Variants in AJAP1 observed in about 807,000 individuals in gnomAD.
AJAP1 encodes adherens junctions associated protein 1, also known as adherens junction-associated protein 1.
A neutral mutation model predicts 35.0 loss-of-function variants in AJAP1; 5 were observed. The ratio of observed to expected loss-of-function variants is 0.14; its 90% CI spans 0.07 to 0.30. The LOEUF (loss-of-function observed/expected upper bound fraction) is 0.30. Ranked by LOEUF, AJAP1 falls within the 10% of genes least tolerant of loss-of-function variation. The pLI is 1.00. For synonymous variants in AJAP1, 284 were observed against 249.3 expected (o/e 1.14, Z -1.31); for missense variants, 586 against 571.0 (o/e 1.03, Z -0.27).
intron 2 of AJAP1, among the ~76,000 whole-genome samples, chr1:4,736,148 A>G (rs143259539): frequency 0.017 from 2,621 of 152,376 alleles, 69 homozygotes; most frequent in South Asian, 0.12. Context: ...CACATGGTAA[A>G]GGCTGCAGAG....
rs916755748 is a variant in AJAP1 at position 4,782,400 on chromosome 1, G to A, written c.*60-145G>A. ...TTGTCCACGTTCCAAGGACCCCTCC[G>A]TGTCAGTGAACCGATAAAGGGAGTG... On this transcript the variant is annotated intron_variant, in intron 5 of 5. Coordinates refer to ENST00000378191, the MANE Select transcript of AJAP1 (RefSeq NM_018836.4). The surrounding 1 kb of genome is among the most constrained non-coding windows in gnomAD (Gnocchi z 5.3). 2.0e-5 allele frequency: 4 copies of A among 200,244 alleles called. No homozygotes were observed. The highest frequency in any genetic ancestry group is 3.0e-5 in the Non-Finnish European group (3 of 99,720). The allele number at this position is 200,244 out of a possible 1,614,324, so 12.4% of individuals were successfully genotyped here.
chr1:4,773,899 G>A (rs956814482), intron 4 of AJAP1, among the ~76,000 whole-genome samples: 3 of 152,198 alleles, frequency 2.0e-5, no homozygotes, highest in South Asian at 2.1e-4. Context: ...TGGTGCTCTC[G>A]TGCCCTGGCA....
chr1:4,665,630 G>A lies in AJAP1; in HGVS notation c.29+10176G>A, dbSNP rs1037900069. Among the ~76,000 whole-genome samples the A allele has an allele frequency of 7.9e-5, 12 of 152,198 alleles. No individual in the cohort carries two copies. In the South Asian group the frequency reaches 1.0e-3, roughly 13 times the overall value. On this transcript the variant is annotated intron_variant, in intron 1 of 5. Coordinates refer to ENST00000378191, the MANE Select transcript of AJAP1 (RefSeq NM_018836.4). ...GCACCAGCCACGCAAGTGGTCCCCC[G>A]AGAGTCTGCTGGCCCCAGGTGAGAG...
At chr1:4,767,877 C>T (rs1032020572) in intron 2 of AJAP1, among the ~76,000 whole-genome samples, 1 of 152,242 alleles carries the variant, frequency 6.6e-6, no homozygotes, top group African/African-American at 2.4e-5. Context: ...ACTGAACAGG[C>T]AACCCACCCT....
intron 2 of AJAP1, among the ~76,000 whole-genome samples, chr1:4,738,604 C>A (rs986529319): frequency 6.6e-6 from 1 of 152,072 alleles, no homozygotes; most frequent in African/African-American, 2.4e-5. Flanking sequence ...CAGGGCAGGC[C>A]CCCCAGGCCA....
At position 4,720,493 on chromosome 1, in the gene AJAP1, A is replaced by G. The variant is rs1640492520; in HGVS notation, c.829+7794A>G. On this transcript the variant is annotated intron_variant, in intron 2 of 5. Transcript: ENST00000378191. The surrounding 1 kb of genome is among the most constrained non-coding windows in gnomAD (Gnocchi z 4.4). ...GGAGAGAGCGCCCACCTTGGCTCAG[A>G]TGGACCCAGGCCATGGCTGCAGGTG... is the stretch of plus-strand genomic sequence containing the variant. Among the ~76,000 whole-genome samples the G allele has an allele frequency of 6.6e-6, 1 of 152,188 alleles. No individual in the cohort carries two copies. The highest frequency in any genetic ancestry group is 2.4e-5 in the African/African-American group (1 of 41,454).
chr1:4,671,500 G>C (rs1050975023), intron 1 of AJAP1, among the ~76,000 whole-genome samples: 1 of 151,868 alleles, frequency 6.6e-6, no homozygotes, highest in Admixed American at 6.6e-5. Context: ...TGGTCTTTCT[G>C]TCTCAAAGGT....
chr1:4,700,180 C>T (rs72638817), intron 1 of AJAP1, among the ~76,000 whole-genome samples: 14,480 of 152,194 alleles, frequency 0.095, 800 homozygotes, highest in African/African-American at 0.14. Context: ...TGTTGAAGAG[C>T]CCTCATCACC....
At chr1:4,660,965 T>C (rs1638986933) in intron 1 of AJAP1, among the ~76,000 whole-genome samples, 1 of 152,212 alleles carries the variant, frequency 6.6e-6, no homozygotes, top group African/African-American at 2.4e-5. Flanking sequence ...TACCCTGGCT[T>C]ATAGGCTTCA....
intron 2 of AJAP1, among the ~76,000 whole-genome samples, chr1:4,715,684 C>G (rs548949593): frequency 7.0e-6 from 1 of 143,420 alleles, no homozygotes; most frequent in African/African-American, 2.6e-5. Flanking sequence ...AAACTTATTT[C>G]AAAAAAAAAA....
At chr1:4,754,920 A>T (rs943128798) in intron 2 of AJAP1, among the ~76,000 whole-genome samples, 3 of 152,134 alleles carry the variant, frequency 2.0e-5, no homozygotes, top group African/African-American at 7.2e-5. Context: ...TGGGCCTTTC[A>T]TGTCCTGACT....
At chr1:4,700,953 A>G (rs1470718360) in intron 1 of AJAP1, among the ~76,000 whole-genome samples, 3 of 152,136 alleles carry the variant, frequency 2.0e-5, no homozygotes, top group Non-Finnish European at 4.4e-5. Context: ...CAGCTAAGAC[A>G]CAGAGCCAGG....
intron 1 of AJAP1, among the ~76,000 whole-genome samples, chr1:4,679,886 G>A (rs534970173): frequency 2.0e-5 from 3 of 150,552 alleles, no homozygotes; most frequent in Non-Finnish European, 4.4e-5. Flanking sequence ...TGGCTCACAT[G>A]ATCAGGGAGG....
chr1:4,751,322 C>T (rs559055853), intron 2 of AJAP1, among the ~76,000 whole-genome samples: 51 of 152,296 alleles, frequency 3.3e-4, no homozygotes, highest in Middle Eastern at 3.4e-3. Context: ...GAATTCCGCT[C>T]AGTTCCAGAA....
At chr1:4,759,375 G>A (rs1007242242) in intron 2 of AJAP1, among the ~76,000 whole-genome samples, 18 of 152,136 alleles carry the variant, frequency 1.2e-4, no homozygotes, top group African/African-American at 4.1e-4. Flanking sequence ...TTTGAAAGAC[G>A]GTTCAAAATA....
chr1:4,731,161 A>G (rs886647404), intron 2 of AJAP1, among the ~76,000 whole-genome samples: 13 of 151,948 alleles, frequency 8.6e-5, no homozygotes, highest in African/African-American at 3.1e-4. Flanking sequence ...GCTCACTGCA[A>G]CCTCCGCCTT....
In AJAP1 at chr1:4,667,267, C is replaced by G. The variant is rs558049025; in HGVS notation, c.29+11813C>G. 1.6e-4 allele frequency among the ~76,000 whole-genome samples: 24 copies of G among 152,242 alleles called. No homozygotes were observed. The South Asian group carries it at 4.6e-3, about 29-fold the overall frequency. ...GTCTGAGGGAAAATGCCAGCCTAGA[C>G]CACGTGGGCACAAAGGTGTGACAGG... On this transcript the variant is annotated intron_variant, in intron 1 of 5. Coordinates refer to ENST00000378191, the MANE Select transcript of AJAP1 (RefSeq NM_018836.4).
At position 4,791,887 on chromosome 1, in the gene AJAP1, C is replaced by T. The variant is rs1194748107; in HGVS notation, c.*9402C>T. ...TATTTAAAGATGGAGCCCATTGTCCCCCCTCCTCCTCAGCTCACCCATGGA... is the reference window on the plus strand; with the variant it reads ...TATTTAAAGATGGAGCCCATTGTCCTCCCTCCTCCTCAGCTCACCCATGGA... On this transcript the variant is annotated 3_prime_UTR_variant, in exon 6 of 6. Coordinates refer to ENST00000378191, the MANE Select transcript of AJAP1 (RefSeq NM_018836.4). The T allele has an allele frequency of 7.6e-6, 1 of 131,538 alleles. No homozygotes were observed. Among genetic ancestry groups the T allele is most frequent in the East Asian group, 1.9e-4 (1 of 5,160 alleles). 8.1% of individuals were successfully genotyped at this position (131,538 alleles called of 1,614,324 possible).
rs749316577 is a variant in AJAP1 at position 4,783,225 on chromosome 1, TACAC to T, written c.*748_*751del. On this transcript the variant is annotated 3_prime_UTR_variant, in exon 6 of 6. Coordinates refer to ENST00000378191, the MANE Select transcript of AJAP1 (RefSeq NM_018836.4). ...ACACATATTACACACATGTGCGCATTACACACACACAATACACATACATGCATAT... is the reference window on the plus strand; with the variant it reads ...ACACATATTACACACATGTGCGCATTACACACAATACACATACATGCATAT... The T allele has an allele frequency of 8.4e-4, 40 of 47,746 alleles. No homozygotes were observed. Among genetic ancestry groups the T allele is most frequent in the Non-Finnish European group, 1.1e-3 (33 of 28,898 alleles). 3.0% of individuals were successfully genotyped at this position (47,746 alleles called of 1,614,324 possible). A position where few individuals can be genotyped will look rare whatever the true frequency, so the allele number is the denominator to read the frequency against.
Sources: allele counts gnomAD v4.1 joint callset (sites outside exome capture counted in the v4.1 genomes callset), GRCh38; gene constraint gnomAD v4.1.1; non-coding constraint Gnocchi (gnomAD v3.1); transcripts MANE v1.5; gene names NCBI Gene and HGNC (gene_info 2026-07-23, HGNC 2026-07-21).